SESN1: variants seen among roughly 807,000 people sequenced by gnomAD.
The protein encoded by SESN1 is sestrin 1, also known as sestrin-1.
A neutral mutation model predicts 59.3 loss-of-function variants in SESN1; 30 were observed. The observed-to-expected ratio is 0.51, with a 90% CI of 0.38 to 0.69. SESN1 has a LOEUF of 0.69. SESN1 is among the 30% of genes least tolerant of loss of function. SESN1 has a pLI of 0.00. For synonymous variants in SESN1, 197 were observed against 219.9 expected, an observed-to-expected ratio of 0.90 and a Z score of 0.92; for missense variants, 566 against 673.0, an observed-to-expected ratio of 0.84 and a Z score of 1.76.
At chr6:108,994,658 T>C (rs1779466078) in intron 5 of SESN1, 49 bp from the exon 6 acceptor site, 4 of 1,404,830 alleles carry the variant, frequency 2.8e-6, no homozygotes, top group East Asian at 4.9e-5. Flanking sequence ...ATAGAATATA[T>C]ATGAATTATC....
intron 1 of SESN1, among the ~76,000 whole-genome samples, chr6:109,015,071 A>G (rs1327325345): frequency 2.0e-5 from 3 of 152,198 alleles, no homozygotes; most frequent in Admixed American, 2.0e-4. Flanking sequence ...TGTTTCCATT[A>G]AAAAATTGTT....
intron 1 of SESN1, among the ~76,000 whole-genome samples, chr6:109,010,682 A>G (rs913598468): frequency 6.6e-6 from 1 of 152,312 alleles, no homozygotes; most frequent in East Asian, 1.9e-4. Flanking sequence ...TATGTTCTCT[A>G]TACTGCTTTT....
In SESN1 at chr6:109,085,161, C is replaced by T. The variant is rs1038375507; in HGVS notation, c.279+8634G>A. 2.6e-5 allele frequency among the ~76,000 whole-genome samples: 4 copies of T among 151,418 alleles called. No individual in the cohort carries two copies. In the South Asian group the frequency reaches 6.2e-4, roughly 24 times the overall value. On this transcript the variant is annotated intron_variant, in intron 1 of 9. Coordinates refer to ENST00000436639, the MANE Select transcript of SESN1 (RefSeq NM_014454.3). ...AAAAAACAAGCATAAAAATAATGTT[C>T]CCATAGTGTGACTATCTAGCTAAGG...
At position 108,986,694 on chromosome 6, in the gene SESN1, C is replaced by T. The variant is rs1779206177; in HGVS notation, c.*850G>A. On this transcript the variant is annotated 3_prime_UTR_variant, in exon 10 of 10. Coordinates refer to ENST00000436639, the MANE Select transcript of SESN1 (RefSeq NM_014454.3). ...GCAGAGGCAGAGAGACTGAATGCACCCAGGACTGCGCAGCAGTCTACAGCA... is the reference window on the plus strand; with the variant it reads ...GCAGAGGCAGAGAGACTGAATGCACTCAGGACTGCGCAGCAGTCTACAGCA... The T allele has an allele frequency of 6.6e-6, 1 of 152,398 alleles. No individual in the cohort carries two copies. Among genetic ancestry groups the T allele is most frequent in the South Asian group, 2.1e-4 (1 of 4,828 alleles). 9.4% of individuals were successfully genotyped at this position (152,398 alleles called of 1,614,324 possible).
rs1454821000 is a variant in SESN1 at position 108,984,497 on chromosome 6, C to G, written c.*3047G>C. Among the ~76,000 whole-genome samples the G allele has an allele frequency of 6.6e-6, 1 of 152,048 alleles. No homozygotes were observed. Among genetic ancestry groups the G allele is most frequent in the Non-Finnish European group, 1.5e-5 (1 of 68,008 alleles). On this transcript the variant is annotated 3_prime_UTR_variant, in exon 10 of 10. Coordinates refer to ENST00000436639, the MANE Select transcript of SESN1 (RefSeq NM_014454.3). ...ACTAATCCCATTCATGAGAGCAGAG[C>G]CCTCTTGATCTTATCACCTCCCAAA...
intron 1 of SESN1, among the ~76,000 whole-genome samples, chr6:109,013,236 G>A (rs1265591589): frequency 6.6e-6 from 1 of 152,200 alleles, no homozygotes; most frequent in Non-Finnish European, 1.5e-5. Context: ...TGTCAGCTAA[G>A]GTTTGGAAAA....
chr6:109,041,278 G>T lies in SESN1; in HGVS notation c.280-38935C>A, dbSNP rs116286798. On this transcript the variant is annotated intron_variant, in intron 1 of 9. Coordinates refer to ENST00000436639, the MANE Select transcript of SESN1 (RefSeq NM_014454.3). Reference sequence around the variant, plus strand: ...AGTGAGTTGTGATTGTGCCAGTCTGGGTGGCAGAGTGAGACTCTGTCTCAA... The same window carrying T: ...AGTGAGTTGTGATTGTGCCAGTCTGTGTGGCAGAGTGAGACTCTGTCTCAA... 5.2e-3 allele frequency among the ~76,000 whole-genome samples: 797 copies of T among 151,946 alleles called. 8 individuals carry two copies. The highest frequency in any genetic ancestry group is 0.017 in the African/African-American group (710 of 41,460).
intron 1 of SESN1, among the ~76,000 whole-genome samples, chr6:109,065,468 C>T (rs947043616): frequency 1.3e-5 from 2 of 152,134 alleles, no homozygotes; most frequent in Admixed American, 1.3e-4. Flanking sequence ...TTAAAAATCA[C>T]CTGATTGTCC....
chr6:109,069,746 G>A (rs893592852), intron 1 of SESN1, among the ~76,000 whole-genome samples: 1 of 151,740 alleles, frequency 6.6e-6, no homozygotes. Context: ...TGGTGGGAGG[G>A]GGGGTCTCAC....
At chr6:109,068,316 A>C (rs1780869520) in intron 1 of SESN1, among the ~76,000 whole-genome samples, 1 of 152,206 alleles carries the variant, frequency 6.6e-6, no homozygotes, top group Admixed American at 6.5e-5. Flanking sequence ...TCAGAGAATA[A>C]AATACTCATA....
chr6:109,006,122 T>A (rs1374989457), intron 1 of SESN1, among the ~76,000 whole-genome samples: 1 of 152,184 alleles, frequency 6.6e-6, no homozygotes. Context: ...TGTTTTAAAT[T>A]ATACTACCTG....
chr6:109,002,382 TA>T, intron 1 of SESN1, 39 bp from the exon 2 acceptor site: 1 of 1,540,010 alleles, frequency 6.5e-7, no homozygotes. Flanking sequence ...CCTTTGGCAG[TA>T]AACAAAATGA....
intron 1 of SESN1, among the ~76,000 whole-genome samples, chr6:109,006,361 C>G (rs1245674118): frequency 3.3e-5 from 5 of 152,042 alleles, no homozygotes; most frequent in Non-Finnish European, 5.9e-5. Context: ...AGGTTTGTTA[C>G]ATATGTATGC....
intron 1 of SESN1, among the ~76,000 whole-genome samples, chr6:109,053,879 C>T (rs1780585279): frequency 6.6e-6 from 1 of 151,942 alleles, no homozygotes; most frequent in South Asian, 2.1e-4. Context: ...TTTTGAATAC[C>T]CTTTAAGATA....
chr6:109,009,694 C>G (rs1779820959), intron 1 of SESN1: 1 of 379,932 alleles, frequency 2.6e-6, no homozygotes, highest in African/African-American at 2.2e-5. Context: ...AGGCTGGGAA[C>G]TGGCGGTCTG....
chr6:109,087,651 T>C (rs1263144806), intron 1 of SESN1, among the ~76,000 whole-genome samples: 1 of 152,164 alleles, frequency 6.6e-6, no homozygotes, highest in Non-Finnish European at 1.5e-5. Context: ...CAGCAGTGAA[T>C]GTTTGACATG....
intron 1 of SESN1, among the ~76,000 whole-genome samples, 157 bp downstream of exon 1, chr6:109,093,638 A>G (rs1246912433): frequency 6.6e-6 from 1 of 152,242 alleles, no homozygotes; most frequent in African/African-American, 2.4e-5. Flanking sequence ...AAAACTCTAG[A>G]AAAACACTAC....
At chr6:108,993,812 C>T (rs992064627) in intron 6 of SESN1, among the ~76,000 whole-genome samples, 3 of 152,004 alleles carry the variant, frequency 2.0e-5, no homozygotes, top group African/African-American at 7.2e-5. Context: ...TGCCTGGCTT[C>T]AAGGTGATCC....
intron 1 of SESN1, among the ~76,000 whole-genome samples, chr6:109,019,654 AT>A (rs1198242402): frequency 3.3e-5 from 5 of 152,342 alleles, no homozygotes; most frequent in African/African-American, 1.2e-4. Flanking sequence ...AATCATAAAA[AT>A]TTGACCTAAT....
Sources: allele counts gnomAD v4.1 joint callset (sites outside exome capture counted in the v4.1 genomes callset), GRCh38; gene constraint gnomAD v4.1.1; transcripts MANE v1.5; gene names NCBI Gene and HGNC (gene_info 2026-07-23, HGNC 2026-07-21).